CNOT7: variants seen among roughly 807,000 people sequenced by gnomAD.
CNOT7 encodes the protein BTG1-binding factor 1.
A neutral mutation model predicts 37.1 loss-of-function variants in CNOT7; 4 were observed. The observed-to-expected ratio is 0.11, with a 90% CI of 0.05 to 0.25. CNOT7 has a LOEUF of 0.25. CNOT7 is among the 10% of genes least tolerant of loss of function. CNOT7 has a pLI of 1.00. For synonymous variants in CNOT7, 128 were observed against 115.6 expected (o/e 1.11, Z -0.69); for missense variants, 170 against 336.2 (o/e 0.51, Z 3.87).
chr8:17,240,375 A>T (rs1237801311), intron 3 of CNOT7, among the ~76,000 whole-genome samples: 4 of 151,732 alleles, frequency 2.6e-5, no homozygotes, highest in African/African-American at 9.7e-5. Flanking sequence ...TTAGCTCAAC[A>T]GCTATTGTTA....
chr8:17,232,375 A>T, intron 6 of CNOT7, 52 bp downstream of exon 6: 1 of 1,611,098 alleles, frequency 6.2e-7, no homozygotes. Context: ...CAAGATTTTT[A>T]ATGTTCTCAA....
chr8:17,238,455 T>G (rs906322013), intron 3 of CNOT7, among the ~76,000 whole-genome samples: 4 of 150,158 alleles, frequency 2.7e-5, no homozygotes, highest in African/African-American at 9.8e-5. Context: ...AAAGTCAGTC[T>G]CCCCTGGAAA....
chr8:17,242,810 A>G lies in CNOT7; in HGVS notation c.311+182T>C, dbSNP rs1585841941. The stretch of plus-strand genomic sequence containing the variant: ...TTTAAATATAACATCTTTAACATCA[A>G]AGTATTTTTTTTGGTCCCATAGTAA... On this transcript the variant is annotated intron_variant, in intron 3 of 6. Transcript: ENST00000361272. The G allele has an allele frequency of 6.9e-6, 3 of 436,592 alleles. No homozygotes were observed. The East Asian group carries it at 1.1e-4, about 16-fold the overall frequency. The allele number at this position is 436,592 out of a possible 1,614,324, so 27.0% of individuals were successfully genotyped here.
At chr8:17,237,094 A>T in intron 4 of CNOT7, 118 bp downstream of exon 4, 1 of 947,438 alleles carries the variant, frequency 1.1e-6, no homozygotes, top group Non-Finnish European at 1.6e-6. Flanking sequence ...AGACAACTCT[A>T]TATGGCAGTC....
intron 1 of CNOT7, 22 bp from the exon 2 acceptor site, chr8:17,245,269 A>G: frequency 1.9e-6 from 2 of 1,070,060 alleles, no homozygotes; most frequent in Non-Finnish European, 2.5e-6. Flanking sequence ...AAAAAACAAT[A>G]TGAAGACCAG....
rs894290019 is a variant in CNOT7 at position 17,227,265 on chromosome 8, T to G, written c.*3455A>C. 6.6e-6 allele frequency: 1 copy of G among 151,696 alleles called. No individual in the cohort carries two copies. The allele number at this position is 151,696 out of a possible 1,614,324, so 9.4% of individuals were successfully genotyped here. On this transcript the variant is annotated 3_prime_UTR_variant, in exon 7 of 7. Coordinates refer to ENST00000361272, the MANE Select transcript of CNOT7 (RefSeq NM_013354.7). Reference sequence around the variant, plus strand: ...CATCTTAGTAGATTCCACTTCAGGTTGTACTGTTTATCAACTTTTTTGAAA... The same window carrying G: ...CATCTTAGTAGATTCCACTTCAGGTGGTACTGTTTATCAACTTTTTTGAAA...
intron 6 of CNOT7, among the ~76,000 whole-genome samples, chr8:17,231,287 A>G (rs1808569904): frequency 6.6e-6 from 1 of 152,138 alleles, no homozygotes; most frequent in Non-Finnish European, 1.5e-5. Flanking sequence ...AAATCCAAAC[A>G]TTCACACTCT....
chr8:17,243,616 C>G (rs1381726829), intron 2 of CNOT7: 3 of 457,254 alleles, frequency 6.6e-6, no homozygotes, highest in Admixed American at 4.7e-5. Flanking sequence ...TTCTCAACAC[C>G]AAAACCCTAA....
At chr8:17,242,068 G>T (rs1810244728) in intron 3 of CNOT7, 2 of 152,230 alleles carry the variant, frequency 1.3e-5, no homozygotes, top group East Asian at 3.9e-4. Context: ...ACTCACACTG[G>T]GACAACTTAG....
intron 4 of CNOT7, among the ~76,000 whole-genome samples, chr8:17,236,326 TTCAAAACCTA>T (rs1185550098): frequency 4.6e-5 from 7 of 152,220 alleles, no homozygotes; most frequent in Non-Finnish European, 8.8e-5. Context: ...ACAATGCTTT[TTCAAAACCTA>T]ACAAAAGCCA....
chr8:17,231,731 ATTAC>A (rs1808646205), intron 6 of CNOT7: 14 of 985,280 alleles, frequency 1.4e-5, no homozygotes, highest in South Asian at 1.4e-4. Context: ...ACATCACTTA[ATTAC>A]TTAGGAGTAG....
intron 3 of CNOT7, among the ~76,000 whole-genome samples, chr8:17,240,188 C>T (rs1250348765): frequency 3.3e-5 from 5 of 152,196 alleles, no homozygotes; most frequent in Non-Finnish European, 5.9e-5. Flanking sequence ...TTCCAAATGA[C>T]TTCTTCTACC....
At chr8:17,246,639 C>T (rs1811175456) in intron 1 of CNOT7, 36 bp downstream of exon 1, 1 of 158,208 alleles carries the variant, frequency 6.3e-6, no homozygotes, top group African/African-American at 2.4e-5. Flanking sequence ...TAACCCGCCC[C>T]TCCCCCCGTA....
chr8:17,238,668 G>A (rs911708046), intron 3 of CNOT7, among the ~76,000 whole-genome samples: 1 of 152,160 alleles, frequency 6.6e-6, no homozygotes, highest in African/African-American at 2.4e-5. Flanking sequence ...TTCTTCTCCA[G>A]GTGCACATCA....
Position 17,228,932 on chromosome 8 carries a change from A to T in CNOT7, c.*1788T>A, listed in dbSNP as rs1808333035. 6.6e-6 allele frequency: 1 copy of T among 151,984 alleles called. No individual in the cohort carries two copies. The highest frequency in any genetic ancestry group is 2.1e-4 in the South Asian group (1 of 4,834). 9.4% of individuals were successfully genotyped at this position (151,984 alleles called of 1,614,324 possible). A position where few individuals can be genotyped will look rare whatever the true frequency, so the allele number is the denominator to read the frequency against. On this transcript the variant is annotated 3_prime_UTR_variant, in exon 7 of 7. Transcript: ENST00000361272. Reference sequence around the variant, plus strand: ...TACTACATTGTGTTAGATTTTTTAAAAAGCCACAGTTATACCAAATGTATT... The same window carrying T: ...TACTACATTGTGTTAGATTTTTTAATAAGCCACAGTTATACCAAATGTATT...
intron 2 of CNOT7, 56 bp downstream of exon 2, chr8:17,244,980 A>C: frequency 7.2e-7 from 1 of 1,384,086 alleles, no homozygotes; most frequent in Non-Finnish European, 1.0e-6. Context: ...CAAGACTTTA[A>C]AATTTCCTTT....
chr8:17,240,833 T>G (rs1046460058), intron 3 of CNOT7, among the ~76,000 whole-genome samples: 1 of 152,226 alleles, frequency 6.6e-6, no homozygotes, highest in Non-Finnish European at 1.5e-5. Flanking sequence ...TCAGTTTGAG[T>G]GGAGTACTTT....
chr8:17,230,861 T>A lies in CNOT7; in HGVS notation c.730-13A>T. 1 of 1,555,192 alleles carries A rather than the reference T, an allele frequency of 6.4e-7. No individual in the cohort carries two copies. Among genetic ancestry groups the A allele is most frequent in the Non-Finnish European group, 8.7e-7 (1 of 1,147,400 alleles). On this transcript the variant is annotated splice_polypyrimidine_tract_variant and intron_variant, in intron 6 of 6. Coordinates refer to ENST00000361272, the MANE Select transcript of CNOT7 (RefSeq NM_013354.7). ...CTTCAAAGAACATCTAAAAAGGAAT[T>A]TTGAAGAAAAAAAAAAGATAATTTT...
chr8:17,234,921 A>G (rs550388413), intron 4 of CNOT7, 61 bp from the exon 5 acceptor site: 443 of 1,495,906 alleles, frequency 3.0e-4, no homozygotes, highest in Non-Finnish European at 3.5e-4. Flanking sequence ...GATTAAAAAA[A>G]AAAGTTTTTC....
Sources: gnomAD v4.1 joint callset for allele counts (sites outside exome capture counted in the v4.1 genomes callset) on GRCh38, gnomAD v4.1.1 for gene constraint, MANE v1.5 for transcripts, NCBI Gene and HGNC (gene_info 2026-07-23, HGNC 2026-07-21) for gene names.